SOX6: variants seen among roughly 807,000 people sequenced by gnomAD.
The protein encoded by SOX6 is transcription factor SOX-6.
Under a neutral mutation model 97.8 loss-of-function variants are expected in SOX6, and 11 were observed. The observed-to-expected ratio is 0.11, with a 90% CI of 0.07 to 0.19. The LOEUF (loss-of-function observed/expected upper bound fraction) is 0.19. Ranked by LOEUF, SOX6 falls within the 10% of genes least tolerant of loss-of-function variation. The pLI is 1.00. For missense variants in SOX6, 810 were observed against 1,039.5 expected, an observed-to-expected ratio of 0.78 and a Z score of 3.04; for synonymous variants, 360 against 371.4, an observed-to-expected ratio of 0.97 and a Z score of 0.35.
chr11:16,426,997 G>A (rs1457719539), intron 1 of SOX6, among the ~76,000 whole-genome samples: 1 of 150,994 alleles, frequency 6.6e-6, no homozygotes, highest in East Asian at 1.9e-4. Context: ...AGACTTAAAG[G>A]TAAAACCCAA....
intron 2 of SOX6, among the ~76,000 whole-genome samples, chr11:16,722,202 G>GA (rs906217391): frequency 6.6e-6 from 1 of 151,406 alleles, no homozygotes; most frequent in African/African-American, 2.4e-5. Context: ...TCTACACAGC[G>GA]AAAAAAAACT....
intron 1 of SOX6, among the ~76,000 whole-genome samples, chr11:16,422,140 C>T (rs1235994438): frequency 6.6e-6 from 1 of 152,116 alleles, no homozygotes; most frequent in Non-Finnish European, 1.5e-5. Flanking sequence ...ACTTTCCTTG[C>T]AGTTGGTATG....
At chr11:16,628,764 G>C (rs997846588) in intron 3 of SOX6, among the ~76,000 whole-genome samples, 37 of 152,104 alleles carry the variant, frequency 2.4e-4, no homozygotes, top group Non-Finnish European at 5.9e-5. Flanking sequence ...AGCATGAAAT[G>C]TTTTTCCATT....
chr11:16,453,143 C>T (rs1214052576), intron 1 of SOX6, among the ~76,000 whole-genome samples: 1 of 151,954 alleles, frequency 6.6e-6, no homozygotes, highest in African/African-American at 2.4e-5. Context: ...ACTTTTTTTT[C>T]CTCTGAAGCT....
At chr11:16,336,832 C>T (rs1253741916) in intron 2 of SOX6, among the ~76,000 whole-genome samples, 3 of 152,102 alleles carry the variant, frequency 2.0e-5, no homozygotes, top group Non-Finnish European at 4.4e-5. Flanking sequence ...AACTACAAGA[C>T]TTTTGTACTT....
intron 7 of SOX6, among the ~76,000 whole-genome samples, chr11:16,101,431 T>C (rs1363134590): frequency 6.6e-6 from 1 of 151,714 alleles, no homozygotes; most frequent in Non-Finnish European, 1.5e-5. Context: ...TTTCTATTCG[T>C]CAAAGAATAG....
chr11:16,716,219 G>C (rs774511917), intron 2 of SOX6, among the ~76,000 whole-genome samples: 1 of 152,138 alleles, frequency 6.6e-6, no homozygotes, highest in African/African-American at 2.4e-5. Flanking sequence ...CCGGGTGACA[G>C]AGCAAGACTC....
chr11:16,151,720 A>G (rs1850461869), intron 6 of SOX6, among the ~76,000 whole-genome samples: 2 of 152,202 alleles, frequency 1.3e-5, no homozygotes, highest in Admixed American at 6.6e-5. Flanking sequence ...GTAAAATTAC[A>G]TTAAAAACTA....
chr11:16,084,117 G>A (rs1452507219), intron 9 of SOX6, among the ~76,000 whole-genome samples: 1 of 152,090 alleles, frequency 6.6e-6, no homozygotes, highest in Non-Finnish European at 1.5e-5. Flanking sequence ...TTTGAAACCA[G>A]GAACAGTCAT....
intron 4 of SOX6, among the ~76,000 whole-genome samples, chr11:16,528,653 G>A (rs896560334): frequency 9.9e-5 from 15 of 152,056 alleles, no homozygotes; most frequent in African/African-American, 3.4e-4. Flanking sequence ...AGAGGGGAAC[G>A]TCTATGAAAA....
chr11:16,184,518 C>G (rs1319804691), intron 5 of SOX6, among the ~76,000 whole-genome samples: 4 of 152,028 alleles, frequency 2.6e-5, no homozygotes, highest in Admixed American at 6.6e-5. Flanking sequence ...TTTTTAAAAA[C>G]AAATTAAGCT....
Position 16,061,902 on chromosome 11 carries a change from T to G in SOX6, c.1102-6001A>C, listed in dbSNP as rs544029777. Among the ~76,000 whole-genome samples the G allele has an allele frequency of 2.0e-5, 3 of 151,874 alleles. No homozygotes were observed. The East Asian group carries it at 5.8e-4, about 29-fold the overall frequency. ...TATACAAAAATCAACTCAAGATGGATTAAAGACATAAATGTAAGACTGAAA... is the reference window on the plus strand; with the variant it reads ...TATACAAAAATCAACTCAAGATGGAGTAAAGACATAAATGTAAGACTGAAA... On this transcript the variant is annotated intron_variant, in intron 9 of 15. Transcript: ENST00000683767.
upstream of SOX6, among the ~76,000 whole-genome samples, chr11:16,478,566 A>G (rs1282249270): frequency 6.6e-6 from 1 of 152,224 alleles, no homozygotes; most frequent in Non-Finnish European, 1.5e-5. Context: ...GAATCTCATT[A>G]TCAATGGATT....
At chr11:16,402,398 C>T (rs1423370461) in intron 1 of SOX6, among the ~76,000 whole-genome samples, 1 of 151,566 alleles carries the variant, frequency 6.6e-6, no homozygotes, top group Non-Finnish European at 1.5e-5. Flanking sequence ...TTTAAGAACA[C>T]CAATAACGTG....
intron 4 of SOX6, among the ~76,000 whole-genome samples, chr11:16,489,040 T>C (rs1466964523): frequency 6.6e-6 from 1 of 152,146 alleles, no homozygotes; most frequent in African/African-American, 2.4e-5. Context: ...ATAAAAATTA[T>C]ATTCACACAC....
chr11:16,174,979 A>G (rs1851146463), intron 6 of SOX6, among the ~76,000 whole-genome samples: 1 of 151,870 alleles, frequency 6.6e-6, no homozygotes, highest in African/African-American at 2.4e-5. Context: ...TACTTGGTCA[A>G]CCATTTCTGA....
intron 6 of SOX6, among the ~76,000 whole-genome samples, chr11:16,120,652 G>A (rs1779149751): frequency 6.6e-6 from 1 of 151,576 alleles, no homozygotes; most frequent in Non-Finnish European, 1.5e-5. Context: ...AATAGCTCCA[G>A]AAAGTGAGTT....
intron 1 of SOX6, among the ~76,000 whole-genome samples, chr11:16,442,733 T>C (rs901608950): frequency 4.6e-5 from 7 of 152,094 alleles, no homozygotes; most frequent in Non-Finnish European, 8.8e-5. Context: ...CAATACATCA[T>C]TCCAAAGTCC....
At position 16,062,552 on chromosome 11, in the gene SOX6, G is replaced by T. The variant is rs367995915; in HGVS notation, c.1102-6651C>A. ...CCATAAACATTTAAACTTAGGTGAA[G>T]ACTGTTTCAGCCTAAATATAGAATG... On this transcript the variant is annotated intron_variant, in intron 9 of 15. Transcript: ENST00000683767. 9.2e-5 allele frequency among the ~76,000 whole-genome samples: 14 copies of T among 151,792 alleles called. No individual in the cohort carries two copies. The East Asian group carries it at 2.3e-3, about 25-fold the overall frequency.
Sources: gnomAD v4.1 joint callset for allele counts (sites outside exome capture counted in the v4.1 genomes callset) on GRCh38, gnomAD v4.1.1 for gene constraint, MANE v1.5 for transcripts, NCBI Gene and HGNC (gene_info 2026-07-23, HGNC 2026-07-21) for gene names.